RASGRP1: variants seen among roughly 807,000 people sequenced by gnomAD.
The protein encoded by RASGRP1 is RAS guanyl releasing protein 1.
A neutral mutation model predicts 95.1 loss-of-function variants in RASGRP1; 37 were observed. The ratio of observed to expected loss-of-function variants is 0.39; its 90% CI spans 0.30 to 0.51. The LOEUF (loss-of-function observed/expected upper bound fraction) is 0.51, where lower values mean the gene tolerates loss of function less well. Among genes scored for constraint, RASGRP1 ranks in the 20% least tolerant of loss-of-function variants. RASGRP1 has a pLI of 0.80. For synonymous variants in RASGRP1, 325 were observed against 353.4 expected, an observed-to-expected ratio of 0.92 and a Z score of 0.90; for missense variants, 711 against 965.4, an observed-to-expected ratio of 0.74 and a Z score of 3.49.
intron 4 of RASGRP1, among the ~76,000 whole-genome samples, chr15:38,518,690 C>G (rs994928743): frequency 7.2e-5 from 11 of 152,180 alleles, no homozygotes; most frequent in Non-Finnish European, 1.6e-4. Flanking sequence ...CAGGCACAAT[C>G]ATGTGGGTTG....
intron 2 of RASGRP1, among the ~76,000 whole-genome samples, chr15:38,553,704 G>T (rs1231755121): frequency 6.6e-6 from 1 of 152,216 alleles, no homozygotes; most frequent in African/African-American, 2.4e-5. Context: ...AGACAGGCGT[G>T]CTGTACATTT....
intron 2 of RASGRP1, among the ~76,000 whole-genome samples, chr15:38,551,594 A>AT (rs1328004468): frequency 1.3e-5 from 2 of 152,180 alleles, no homozygotes; most frequent in Non-Finnish European, 2.9e-5. Context: ...TGGAATAGGG[A>AT]TTTTTTTAAG....
At chr15:38,506,005 GC>G in intron 9 of RASGRP1, 85 bp from the exon 10 acceptor site, 1 of 1,118,832 alleles carries the variant, frequency 8.9e-7, no homozygotes, top group Non-Finnish European at 1.3e-6. Context: ...GATTTTCCTT[GC>G]CAGTAGTTTA....
At chr15:38,548,005 C>G (rs1893171468) in intron 2 of RASGRP1, among the ~76,000 whole-genome samples, 1 of 147,100 alleles carries the variant, frequency 6.8e-6, no homozygotes. Flanking sequence ...TTTTTGGATA[C>G]CCAGGAATTG....
intron 2 of RASGRP1, among the ~76,000 whole-genome samples, chr15:38,544,276 T>C (rs1416199855): frequency 1.3e-5 from 2 of 152,226 alleles, no homozygotes; most frequent in African/African-American, 2.4e-5. Flanking sequence ...TTAGGGGTCG[T>C]AGAGTCTCAT....
intron 2 of RASGRP1, among the ~76,000 whole-genome samples, chr15:38,537,770 A>G (rs942030174): frequency 1.3e-5 from 2 of 152,182 alleles, no homozygotes; most frequent in African/African-American, 4.8e-5. Context: ...TAGCCTTCCA[A>G]GCTTCCCTTC....
At chr15:38,537,319 G>A (rs906836714) in intron 2 of RASGRP1, among the ~76,000 whole-genome samples, 21 of 152,148 alleles carry the variant, frequency 1.4e-4, no homozygotes, top group Admixed American at 1.2e-3. Context: ...AAACATAGCA[G>A]CATTTGCTTC....
intron 15 of RASGRP1, among the ~76,000 whole-genome samples, chr15:38,495,102 T>G (rs1250484645): frequency 1.3e-5 from 2 of 152,182 alleles, no homozygotes; most frequent in Non-Finnish European, 2.9e-5. Flanking sequence ...GAACAATATC[T>G]AGACAGAAAT....
intron 5 of RASGRP1, among the ~76,000 whole-genome samples, chr15:38,516,792 AAGAG>A (rs1302522865): frequency 6.6e-6 from 1 of 152,022 alleles, no homozygotes; most frequent in South Asian, 2.1e-4. Flanking sequence ...TCATGCCAGA[AAGAG>A]AGCTCAAAGA....
chr15:38,555,562 A>C (rs11073337), intron 2 of RASGRP1, among the ~76,000 whole-genome samples: 40,780 of 152,006 alleles, frequency 0.27, 5,591 homozygotes, highest in East Asian at 0.37. Flanking sequence ...GGGGTAGGGG[A>C]AGGAGAACAG....
chr15:38,543,259 T>C (rs1892974900), intron 2 of RASGRP1, among the ~76,000 whole-genome samples: 1 of 152,190 alleles, frequency 6.6e-6, no homozygotes, highest in Admixed American at 6.5e-5. Flanking sequence ...TTTTCATGAC[T>C]GTCATTTGTT....
At chr15:38,506,935 G>A (rs549837580) in intron 9 of RASGRP1, among the ~76,000 whole-genome samples, 9 of 152,312 alleles carry the variant, frequency 5.9e-5, no homozygotes, top group East Asian at 1.9e-4. Context: ...TGGCTAATAA[G>A]TGAAAGGGCT....
chr15:38,496,640 T>C (rs926376742), intron 15 of RASGRP1, among the ~76,000 whole-genome samples: 1 of 152,216 alleles, frequency 6.6e-6, no homozygotes, highest in African/African-American at 2.4e-5. Context: ...CTTAGTTGAT[T>C]AGCATATTCT....
chr15:38,495,037 G>A (rs568372939), intron 15 of RASGRP1, among the ~76,000 whole-genome samples: 2 of 152,278 alleles, frequency 1.3e-5, no homozygotes, highest in African/African-American at 4.8e-5. Flanking sequence ...GTTTTTGGAG[G>A]TAAGTTGAAG....
At position 38,527,854 on chromosome 15, in the gene RASGRP1, G is replaced by C. The variant is rs116912838; in HGVS notation, c.221-1450C>G. On this transcript the variant is annotated intron_variant, in intron 2 of 16. Transcript: ENST00000310803. ...CATGCTTGTAATCCCAGTGCTTTGGGAGGTCAAGGTGGGAGGATCGCTTGA... is the reference window on the plus strand; with the variant it reads ...CATGCTTGTAATCCCAGTGCTTTGGCAGGTCAAGGTGGGAGGATCGCTTGA... Among the ~76,000 whole-genome samples, 98 of 152,196 alleles carry C rather than the reference G, an allele frequency of 6.4e-4. No homozygotes were observed. In the East Asian group the frequency reaches 0.013, roughly 21 times the overall value.
chr15:38,518,237 T>G, intron 5 of RASGRP1, 55 bp downstream of exon 5: 3 of 1,558,532 alleles, frequency 1.9e-6, no homozygotes, highest in Non-Finnish European at 1.8e-6. Context: ...GCAACTGGGA[T>G]TATATTACAG....
intron 2 of RASGRP1, among the ~76,000 whole-genome samples, chr15:38,532,495 C>T (rs550663372): frequency 6.6e-6 from 1 of 152,266 alleles, no homozygotes; most frequent in East Asian, 1.9e-4. Flanking sequence ...GGCCAACAGC[C>T]TATTTTCCAC....
chr15:38,514,766 C>T (rs1385433395), intron 6 of RASGRP1, among the ~76,000 whole-genome samples: 2 of 152,224 alleles, frequency 1.3e-5, no homozygotes, highest in Non-Finnish European at 2.9e-5. Flanking sequence ...TTTTTCACTT[C>T]TGCCTCCACT....
chr15:38,515,964 G>A (rs1891760574), intron 6 of RASGRP1, among the ~76,000 whole-genome samples: 1 of 151,622 alleles, frequency 6.6e-6, no homozygotes, highest in Non-Finnish European at 1.5e-5. Flanking sequence ...TGAGTGAGTG[G>A]TGGGATGGTA....
Sources: gnomAD v4.1 joint callset for allele counts (sites outside exome capture counted in the v4.1 genomes callset) on GRCh38, gnomAD v4.1.1 for gene constraint, MANE v1.5 for transcripts, NCBI Gene and HGNC (gene_info 2026-07-23, HGNC 2026-07-21) for gene names.